The following TTC21A variants were observed in gnomAD, a reference collection of about 807,000 sequenced individuals.
The protein encoded by TTC21A is tetratricopeptide repeat domain 21A, also known as tetratricopeptide repeat protein 21A.
In TTC21A, 128 loss-of-function variants were observed where a neutral mutation model predicts 156.4. That is an observed-to-expected ratio of 0.82 (90% CI 0.71 to 0.95). The LOEUF (loss-of-function observed/expected upper bound fraction) is 0.95, where lower values mean the gene tolerates loss of function less well. Among genes scored for constraint, TTC21A ranks in the 40% least tolerant of loss-of-function variants. TTC21A has a pLI of 0.00. For missense variants in TTC21A, 1,435 were observed against 1,602.3 expected (o/e 0.90, Z 1.78); for synonymous variants, 587 against 617.1 (o/e 0.95, Z 0.72).
intron 3 of TTC21A, 131 bp downstream of exon 3, chr3:39,110,270 A>C (rs371535866): frequency 1.5e-5 from 11 of 732,650 alleles, no homozygotes; most frequent in East Asian, 5.3e-5. Flanking sequence ...GCTGTTAACC[A>C]GTGAGAAGTG....
At chr3:39,110,261 C>G (rs1198436288) in intron 3 of TTC21A, 122 bp downstream of exon 3, 2 of 762,866 alleles carry the variant, frequency 2.6e-6, no homozygotes, top group East Asian at 2.6e-5. Flanking sequence ...TGTGCAGATG[C>G]TGTTAACCAG....
chr3:39,138,458 C>A, intron 27 of TTC21A, 71 bp downstream of exon 27: 1 of 1,613,256 alleles, frequency 6.2e-7, no homozygotes, highest in South Asian at 1.1e-5. Context: ...CCCACCATGA[C>A]CCCAGAACTC....
chr3:39,111,623 G>A (rs1337644423), intron 4 of TTC21A, among the ~76,000 whole-genome samples: 1 of 152,100 alleles, frequency 6.6e-6, no homozygotes, highest in African/African-American at 2.4e-5. Flanking sequence ...ATTTTCAAGG[G>A]TGTAGACATG....
rs561539080 is a variant in TTC21A, at chr3:39,126,203, G to T, written c.1393-58G>T. On this transcript the variant is annotated intron_variant, in intron 11 of 28. Coordinates refer to ENST00000683103, the MANE Select transcript of TTC21A (RefSeq NM_001366900.1). Reference sequence around the variant, plus strand: ...CTGAGAGCATTTTCTGAGAGCTCCAGGAGTCTCTCTTAGAATAGGGCAAAC... The same window carrying T: ...CTGAGAGCATTTTCTGAGAGCTCCATGAGTCTCTCTTAGAATAGGGCAAAC... The T allele has an allele frequency of 3.1e-6, 5 of 1,601,052 alleles. No individual in the cohort carries two copies. In the South Asian group the frequency reaches 5.5e-5, roughly 18 times the overall value.
At chr3:39,115,962 C>G (rs2037257850) in intron 6 of TTC21A, among the ~76,000 whole-genome samples, 1 of 152,248 alleles carries the variant, frequency 6.6e-6, no homozygotes, top group African/African-American at 2.4e-5. Context: ...TCTACCCTGC[C>G]CAGCGCCACA....
At position 39,129,289 on chromosome 3, in the gene TTC21A, G is replaced by A. The variant is rs372529214; in HGVS notation, c.2114G>A (p.Arg705His). ...NIYLQTLRDR[R>H]LYIRCYRELC... The stretch of plus-strand genomic sequence containing the variant: ...TACCTGCAGACCCTCAGAGACAGGC[G>A]CCTCTACATCAGATGCTACCGGTAA... The change falls in exon 15 of 29, where the codon CGC becomes CAC. Residue 705 changes from arginine (R) to histidine (H), a missense_variant. By Grantham distance (29) the Arg-to-His change is conservative. Transcript: ENST00000683103. 93 of 1,613,924 alleles carry A rather than the reference G, an allele frequency of 5.8e-5. No homozygotes were observed. The highest frequency in any genetic ancestry group is 7.7e-5 in the Non-Finnish European group (91 of 1,179,888).
chr3:39,109,338 G>A (rs1377132533), intron 2 of TTC21A, 124 bp downstream of exon 2: 17 of 1,118,408 alleles, frequency 1.5e-5, no homozygotes, highest in Admixed American at 2.7e-5. Flanking sequence ...CACACTCAGC[G>A]GCTGGATTCC....
At chr3:39,126,583 TACAC>T (rs3033302) in intron 12 of TTC21A, among the ~76,000 whole-genome samples, 193 bp downstream of exon 12, 5,284 of 135,808 alleles carry the variant, frequency 0.039, 179 homozygotes, top group East Asian at 0.17. Flanking sequence ...CCTGGGGTAC[TACAC>T]ACACACACAC....
chr3:39,122,147 A>T (rs1280455631), intron 9 of TTC21A, among the ~76,000 whole-genome samples: 2 of 152,098 alleles, frequency 1.3e-5, no homozygotes, highest in East Asian at 3.9e-4. Flanking sequence ...CATCTCTACT[A>T]AAAACACACA....
rs968280162 is a variant in TTC21A at position 39,111,928 on chromosome 3, G to C, written c.436-530G>C. ...CTCCCCATCTGCCTGGAGAGGCTGG[G>C]TGAAGGCTAACATGGAACCAGCGAG... On this transcript the variant is annotated intron_variant, in intron 4 of 28. Transcript: ENST00000683103. 7.4e-4 allele frequency among the ~76,000 whole-genome samples: 112 copies of C among 152,308 alleles called. 1 individual carries two copies. The highest frequency in any genetic ancestry group is 2.4e-3 in the African/African-American group (99 of 41,564).
In TTC21A at chr3:39,130,112, C is replaced by A. The variant is rs370594293; in HGVS notation, c.2169C>A (p.Thr723=). The change falls in exon 16 of 29, where the codon ACC becomes ACA. Residue 723 remains threonine (T), a synonymous_variant. Coordinates refer to ENST00000683103, the MANE Select transcript of TTC21A (RefSeq NM_001366900.1). This position sits in a 1 kb window ranked among gnomAD's most constrained non-coding sequence, Gnocchi z 4.5. ...GTGAACATCTGCCTGGCCCCCACAC[C>A]AGCCTGCTACTGGGCGATGCCTTAA... ...ELCEHLPGPH[T]SLLLGDALMS... 4.2e-5 allele frequency: 67 copies of A among 1,614,014 alleles called. No individual in the cohort carries two copies. Among genetic ancestry groups the A allele is most frequent in the Non-Finnish European group, 5.0e-5 (59 of 1,180,036 alleles).
Position 39,118,100 on chromosome 3 carries a change from G to A in TTC21A, c.748G>A (p.Ala250Thr), listed in dbSNP as rs1575511802. 3 of 1,614,128 alleles carry A rather than the reference G, an allele frequency of 1.9e-6. No homozygotes were observed. The African/African-American group carries it at 4.0e-5, about 22-fold the overall frequency. ...ILEKDESNID[A>T]CQILTVHELA... is the part of the protein sequence containing the mutation. ...AGAAAAAGATGAGAGCAATATTGAT[G>A]CCTGCCAAATTCTAACCGTGCATGA... is the stretch of plus-strand genomic sequence containing the variant. The change falls in exon 7 of 29, where the codon GCC becomes ACC. Residue 250 changes from alanine to threonine, a missense_variant. By Grantham distance (58) the Ala-to-Thr change is moderately conservative. Coordinates refer to ENST00000683103, the MANE Select transcript of TTC21A (RefSeq NM_001366900.1).
At chr3:39,133,908 CT>C (rs901420098) in intron 20 of TTC21A, among the ~76,000 whole-genome samples, 1 of 152,174 alleles carries the variant, frequency 6.6e-6, no homozygotes, top group African/African-American at 2.4e-5. Context: ...CAGGGCACCA[CT>C]TGGAGGAATG....
Position 39,114,617 on chromosome 3 carries a change from A to G in TTC21A, c.591A>G (p.Ser197=). ...AMYFMMQQNY[S]EALEVVNQIT... ...ACTTCATGATGCAGCAGAACTACTC[A>G]GAGGCCCTGGAGGTGGTGAACCAGA... The change falls in exon 6 of 29, where the codon TCA becomes TCG. Residue 197 remains serine, a synonymous_variant. Transcript: ENST00000683103. The G allele has an allele frequency of 6.2e-7, 1 of 1,614,182 alleles. No homozygotes were observed. The highest frequency in any genetic ancestry group is 8.5e-7 in the Non-Finnish European group (1 of 1,180,024).
At chr3:39,112,143 G>A (rs1026284792) in intron 4 of TTC21A, among the ~76,000 whole-genome samples, 6 of 152,156 alleles carry the variant, frequency 3.9e-5, no homozygotes, top group African/African-American at 1.4e-4. Context: ...CTCAGTAAGG[G>A]TCATGGAGAG....
Position 39,114,543 on chromosome 3 carries a change from G to A in TTC21A, c.559-42G>A, listed in dbSNP as rs760539620. The A allele has an allele frequency of 1.9e-6, 3 of 1,606,418 alleles. No individual in the cohort carries two copies. In the Admixed American group the frequency reaches 5.0e-5, roughly 27 times the overall value. ...CCCCCTCCAGCAAACTCCCTTCATG[G>A]GCACTCCCTTCACGGAGGCTCTTCT... On this transcript the variant is annotated intron_variant, in intron 5 of 28. Coordinates refer to ENST00000683103, the MANE Select transcript of TTC21A (RefSeq NM_001366900.1).
Position 39,134,511 on chromosome 3 carries a change from G to A in TTC21A, c.2862+183G>A. The A allele has an allele frequency of 1.5e-6, 1 of 669,396 alleles. No homozygotes were observed. The highest frequency in any genetic ancestry group is 2.7e-6 in the Non-Finnish European group (1 of 364,224). 41.5% of individuals were successfully genotyped at this position (669,396 alleles called of 1,614,324 possible). On this transcript the variant is annotated intron_variant, in intron 21 of 28. Coordinates refer to ENST00000683103, the MANE Select transcript of TTC21A (RefSeq NM_001366900.1). This position sits in a 1 kb window ranked among gnomAD's most constrained non-coding sequence, Gnocchi z 4.6. ...CTCTGCCCTTTAGCCGGAAGCGGTA[G>A]GCTGGCTGGCAGTGGGCAGCATCAA...
intron 5 of TTC21A, chr3:39,112,795 G>A (rs2036946007): frequency 3.7e-6 from 1 of 268,936 alleles, no homozygotes; most frequent in Non-Finnish European, 5.7e-6. Flanking sequence ...CTTGATCTGA[G>A]TTTCTGTCTC....
rs774940374 is a variant in TTC21A, at chr3:39,107,875, C to A, written c.27+11C>A. On this transcript the variant is annotated intron_variant, in intron 1 of 28. Coordinates refer to ENST00000683103, the MANE Select transcript of TTC21A (RefSeq NM_001366900.1). Reference sequence around the variant, plus strand: ...GACTCCTCCCTTATGGTGCGTGGCCCGGGCGCTGTCCGAGGGCTCCCTCGT... The same window carrying A: ...GACTCCTCCCTTATGGTGCGTGGCCAGGGCGCTGTCCGAGGGCTCCCTCGT... The A allele has an allele frequency of 6.2e-7, 1 of 1,612,526 alleles. No homozygotes were observed. The highest frequency in any genetic ancestry group is 8.5e-7 in the Non-Finnish European group (1 of 1,179,938).
Sources: gnomAD v4.1 joint callset for allele counts (sites outside exome capture counted in the v4.1 genomes callset) on GRCh38, gnomAD v4.1.1 for gene constraint, Gnocchi (gnomAD v3.1) non-coding constraint, MANE v1.5 for transcripts, NCBI Gene and HGNC (gene_info 2026-07-23, HGNC 2026-07-21) for gene names.